Variants in GADL1 observed in about 807,000 individuals in gnomAD.
The protein encoded by GADL1 is acidic amino acid decarboxylase GADL1.
A neutral mutation model predicts 69.5 loss-of-function variants in GADL1; 71 were observed. The observed-to-expected ratio is 1.02, with a 90% CI of 0.84 to 1.25. The LOEUF is 1.25. Among genes scored for constraint, GADL1 ranks in the 50% most tolerant of loss-of-function variants. The pLI, the probability that GADL1 is intolerant of heterozygous loss-of-function variation, is 0.00. For synonymous variants in GADL1, 254 were observed against 214.4 expected (o/e 1.18, Z -1.62); for missense variants, 737 against 631.8 (o/e 1.17, Z -1.79).
chr3:30,774,039 C>T (rs1415523269), intron 14 of GADL1, among the ~76,000 whole-genome samples: 1 of 152,016 alleles, frequency 6.6e-6, no homozygotes, highest in African/African-American at 2.4e-5. Flanking sequence ...CTTTGGATGC[C>T]AAAGAGACAA....
intron 1 of GADL1, among the ~76,000 whole-genome samples, chr3:30,874,073 A>T (rs1698541277): frequency 6.6e-6 from 1 of 151,980 alleles, no homozygotes; most frequent in Admixed American, 6.6e-5. Flanking sequence ...GTTACCTGCA[A>T]GAAAAATGCA....
In GADL1 at chr3:30,781,765, A is replaced by G. The variant is rs140196078; in HGVS notation, c.1303-3497T>C. Among the ~76,000 whole-genome samples the G allele has an allele frequency of 3.8e-4, 58 of 152,312 alleles. 3 individuals carry two copies. In the East Asian group the frequency reaches 0.01, roughly 27 times the overall value. On this transcript the variant is annotated intron_variant, in intron 13 of 14. Coordinates refer to ENST00000282538, the MANE Select transcript of GADL1 (RefSeq NM_207359.3). ...AGGGTTGGTTTGATGATTAAAGAGA[A>G]AACGTGTTTTCAAAATTTAGTACCG...
In GADL1 at chr3:30,758,668, CTA is replaced by C. The variant is rs377279096; in HGVS notation, c.1392+19509_1392+19510del. On this transcript the variant is annotated intron_variant, in intron 14 of 14. Coordinates refer to ENST00000282538, the MANE Select transcript of GADL1 (RefSeq NM_207359.3). Reference sequence around the variant, plus strand: ...ACTTGGTGGAAGAAGAGAGTAAAAACTATTCCTGGATTCTTATCACTGAGATA... The same window carrying C: ...ACTTGGTGGAAGAAGAGAGTAAAAACTTCCTGGATTCTTATCACTGAGATA... 5.1e-3 allele frequency among the ~76,000 whole-genome samples: 771 copies of C among 152,306 alleles called. 5 individuals are homozygous for C. Among genetic ancestry groups the C allele is most frequent in the African/African-American group, 0.017 (710 of 41,558 alleles).
At chr3:30,751,228 A>G (rs1490686851) in intron 14 of GADL1, among the ~76,000 whole-genome samples, 1 of 152,022 alleles carries the variant, frequency 6.6e-6, no homozygotes, top group African/African-American at 2.4e-5. Context: ...TCACAGGCCA[A>G]TCCTTCAAAG....
chr3:30,766,869 T>C (rs1169063641), intron 14 of GADL1, among the ~76,000 whole-genome samples: 3 of 152,146 alleles, frequency 2.0e-5, no homozygotes, highest in Admixed American at 1.3e-4. Flanking sequence ...GAGTGACATA[T>C]TGAGAGTTGG....
rs375676085 is a variant in GADL1, at chr3:30,752,207, G to A, written c.1393-23792C>T. On this transcript the variant is annotated intron_variant, in intron 14 of 14. Coordinates refer to ENST00000282538, the MANE Select transcript of GADL1 (RefSeq NM_207359.3). Reference sequence around the variant, plus strand: ...TTAAGTTCTCTCAGGTAACTTTAGGGTTTTCGACAGCTTTTCCTTTTAAAC... The same window carrying A: ...TTAAGTTCTCTCAGGTAACTTTAGGATTTTCGACAGCTTTTCCTTTTAAAC... 1.3e-4 allele frequency among the ~76,000 whole-genome samples: 20 copies of A among 152,290 alleles called. No homozygotes were observed. In the East Asian group the frequency reaches 2.9e-3, roughly 22 times the overall value.
chr3:30,763,600 C>T (rs1055940967), intron 14 of GADL1, among the ~76,000 whole-genome samples: 1 of 152,110 alleles, frequency 6.6e-6, no homozygotes, highest in African/African-American at 2.4e-5. Context: ...CTTAAATATG[C>T]TCAGACTTAG....
At chr3:30,806,767 A>C (rs888345757) in intron 11 of GADL1, among the ~76,000 whole-genome samples, 1 of 152,206 alleles carries the variant, frequency 6.6e-6, no homozygotes. Flanking sequence ...GAGAGAACAG[A>C]ACTAATTGAG....
intron 13 of GADL1, among the ~76,000 whole-genome samples, chr3:30,785,228 G>A (rs1243458624): frequency 2.0e-5 from 3 of 151,528 alleles, no homozygotes; most frequent in African/African-American, 7.3e-5. Flanking sequence ...TAATTAATTT[G>A]CTTAATTAGT....
chr3:30,798,968 A>AG (rs371453357), intron 12 of GADL1: 11 of 152,374 alleles, frequency 7.2e-5, no homozygotes, highest in African/African-American at 2.2e-4. Flanking sequence ...CTGATGCAAG[A>AG]GGTGGGTTCC....
chr3:30,884,033 C>A (rs1698674949), intron 1 of GADL1, among the ~76,000 whole-genome samples: 1 of 151,956 alleles, frequency 6.6e-6, no homozygotes, highest in African/African-American at 2.4e-5. Flanking sequence ...TCATCCAACT[C>A]CAAATGCTTC....
intron 14 of GADL1, among the ~76,000 whole-genome samples, chr3:30,773,421 A>C (rs1696463291): frequency 7.2e-6 from 1 of 138,340 alleles, no homozygotes; most frequent in African/African-American, 3.4e-5. Context: ...TATTTTCACA[A>C]ACATACATTA....
In GADL1 at chr3:30,764,809, C is replaced by A. The variant is rs577394288; in HGVS notation, c.1392+13370G>T. On this transcript the variant is annotated intron_variant, in intron 14 of 14. Transcript: ENST00000282538. ...CCAGGTTGTACTGACAATCTCCATT[C>A]GGAATTAGGCAAGTGATATTACAGT... Among the ~76,000 whole-genome samples the A allele has an allele frequency of 2.6e-5, 4 of 152,262 alleles. No individual in the cohort carries two copies. In the East Asian group the frequency reaches 7.7e-4, roughly 29 times the overall value.
intron 10 of GADL1, 86 bp from the exon 11 acceptor site, chr3:30,834,020 A>C (rs1697833113): frequency 9.2e-6 from 9 of 981,932 alleles, no homozygotes; most frequent in Non-Finnish European, 1.5e-5. Flanking sequence ...CAATATCTGC[A>C]TTCAGTACTC....
intron 1 of GADL1, among the ~76,000 whole-genome samples, chr3:30,877,852 G>T (rs933135860): frequency 1.3e-5 from 2 of 151,900 alleles, no homozygotes; most frequent in African/African-American, 2.4e-5. Context: ...AACCATAATA[G>T]ATTTTAATAT....
intron 1 of GADL1, among the ~76,000 whole-genome samples, chr3:30,879,530 A>G (rs1289682122): frequency 6.6e-6 from 1 of 151,924 alleles, no homozygotes; most frequent in East Asian, 1.9e-4. Flanking sequence ...AGAAGCTGAT[A>G]AAGGCCTATG....
chr3:30,837,956 A>C (rs994312083), intron 9 of GADL1, among the ~76,000 whole-genome samples: 1 of 152,250 alleles, frequency 6.6e-6, no homozygotes, highest in South Asian at 2.1e-4. Flanking sequence ...TTGCTTTTAC[A>C]AATGTTAGTA....
intron 12 of GADL1, chr3:30,797,909 C>A (rs1021613195): frequency 3.3e-5 from 5 of 152,148 alleles, no homozygotes; most frequent in Non-Finnish European, 7.3e-5. Context: ...CAACAAAACA[C>A]ATTTAAAACT....
intron 14 of GADL1, among the ~76,000 whole-genome samples, chr3:30,765,633 A>G (rs968595878): frequency 6.6e-6 from 1 of 152,200 alleles, no homozygotes; most frequent in Non-Finnish European, 1.5e-5. Flanking sequence ...CTCAGCTGTC[A>G]GCATCTTAAA....
Sources: allele counts gnomAD v4.1 joint callset (sites outside exome capture counted in the v4.1 genomes callset), GRCh38; gene constraint gnomAD v4.1.1; transcripts MANE v1.5; gene names NCBI Gene and HGNC (gene_info 2026-07-23, HGNC 2026-07-21).